RGS12: variants seen among roughly 807,000 people sequenced by gnomAD.
The protein encoded by RGS12 is regulator of G-protein signaling 12.
A neutral mutation model predicts 120.1 loss-of-function variants in RGS12; 66 were observed. The ratio of observed to expected loss-of-function variants is 0.55; its 90% CI spans 0.45 to 0.67. RGS12 has a LOEUF of 0.67. RGS12 is among the 30% of genes least tolerant of loss of function. RGS12 has a pLI of 0.00. For missense variants in RGS12, 1,859 were observed against 1,957.7 expected (o/e 0.95, Z 0.95); for synonymous variants, 827 against 804.7 (o/e 1.03, Z -0.47).
intron 3 of RGS12, among the ~76,000 whole-genome samples, chr4:3,355,508 A>T (rs924293152): frequency 6.6e-6 from 1 of 152,200 alleles, no homozygotes; most frequent in Non-Finnish European, 1.5e-5. Flanking sequence ...GTAACAGAAG[A>T]TCCAAAAGTC....
rs1290630405 is a variant in RGS12, at chr4:3,293,079, G to A, written c.-122G>A. The stretch of plus-strand genomic sequence containing the variant: ...TGGCGCGGGCCGAAGCGCCCGGAGC[G>A]GGAGCGAGCGGCGCGGCCCGGTAGG... On this transcript the variant is annotated 5_prime_UTR_variant, in exon 1 of 18. Coordinates refer to ENST00000336727, the MANE Select transcript of RGS12 (RefSeq NM_001394154.1). 6.8e-6 allele frequency: 1 copy of A among 147,340 alleles called. No homozygotes were observed. The highest frequency in any genetic ancestry group is 2.1e-4 in the South Asian group (1 of 4,816). 9.1% of individuals were successfully genotyped at this position (147,340 alleles called of 1,614,324 possible). A position where few individuals can be genotyped will look rare whatever the true frequency, so the allele number is the denominator to read the frequency against.
chr4:3,413,738 AGTTT>A (rs1338396037), intron 4 of RGS12: 1 of 250,794 alleles, frequency 4.0e-6, no homozygotes, highest in African/African-American at 2.2e-5. Flanking sequence ...CTGTGGCTGT[AGTTT>A]GTTGTTGCTT....
rs61748737 is a variant in RGS12, at chr4:3,417,525, C to T, written c.2745C>T (p.His915=). Residue 915 remains histidine, a synonymous_variant, in exon 9 of 18, where the codon CAC becomes CAT. Coordinates refer to ENST00000336727, the MANE Select transcript of RGS12 (RefSeq NM_001394154.1). ...STGRSQKKRE[H]GDHADDALHA... ...GGAGGTCCCAGAAAAAGAGGGAGCA[C>T]GGGGACCACGCAGACGGTTTGTGGG... 8,467 of 1,612,860 alleles carry T rather than the reference C, an allele frequency of 5.2e-3. 32 individuals carry two copies. Among genetic ancestry groups the T allele is most frequent in the Non-Finnish European group, 5.7e-3 (6,687 of 1,179,908 alleles).
At chr4:3,311,425 C>G (rs1298583874) in intron 1 of RGS12, among the ~76,000 whole-genome samples, 1 of 152,174 alleles carries the variant, frequency 6.6e-6, no homozygotes, top group African/African-American at 2.4e-5. Flanking sequence ...ATATTTATTT[C>G]TAGATCACCC....
chr4:3,405,721 G>C lies in RGS12; in HGVS notation c.2021-8351G>C, dbSNP rs78226485. Among the ~76,000 whole-genome samples the C allele has an allele frequency of 3.9e-4, 60 of 152,302 alleles. No individual in the cohort carries two copies. The East Asian group carries it at 0.011, about 27-fold the overall frequency. On this transcript the variant is annotated intron_variant, in intron 4 of 17. Transcript: ENST00000336727. ...TCTCCAACTTAATCTCAGATAGTCT[G>C]GAAAAAGGTTGCGTGTGTGCAGGTG...
intron 3 of RGS12, among the ~76,000 whole-genome samples, chr4:3,358,657 C>G (rs1486187995): frequency 6.6e-6 from 1 of 151,854 alleles, no homozygotes; most frequent in Non-Finnish European, 1.5e-5. Context: ...TTGAATTACC[C>G]TTGCATTATA....
chr4:3,325,111 G>A (rs1204421027), intron 2 of RGS12, among the ~76,000 whole-genome samples: 2 of 152,176 alleles, frequency 1.3e-5, no homozygotes, highest in African/African-American at 4.8e-5. Context: ...GTAGCTGGAG[G>A]TCAAATAGAG....
chr4:3,436,308 G>T (rs906866362), intron 17 of RGS12, among the ~76,000 whole-genome samples: 2 of 152,132 alleles, frequency 1.3e-5, no homozygotes, highest in East Asian at 3.9e-4. Flanking sequence ...GGCTCCCCTC[G>T]CTCCCCCCTT....
chr4:3,423,589 G>T lies in RGS12; in HGVS notation c.3182G>T (p.Arg1061Leu). 2 of 1,612,386 alleles carry T rather than the reference G, an allele frequency of 1.2e-6. No individual in the cohort carries two copies. Among genetic ancestry groups the T allele is most frequent in the Non-Finnish European group, 1.7e-6 (2 of 1,179,956 alleles). ...KPTKPVTEVL[R>L]PVVARYGLDL... The stretch of plus-strand genomic sequence containing the variant: ...ACCAAGCCCGTCACGGAGGTGCTGC[G>T]GCCCGTGGTGGCCAGATACGGCCTG... Residue 1061 changes from arginine (R) to leucine (L), a missense_variant, in exon 13 of 18, where the codon CGG becomes CTG. This residue lies in a region of RGS12 where 375 missense variants were observed against 475.0 expected (regional missense o/e 0.79). Transcript: ENST00000336727.
At chr4:3,394,797 G>C (rs1204909283) in intron 4 of RGS12, among the ~76,000 whole-genome samples, 1 of 152,072 alleles carries the variant, frequency 6.6e-6, no homozygotes, top group Non-Finnish European at 1.5e-5. Context: ...CAGCCCAAGC[G>C]CCCCTGCAGG....
intron 3 of RGS12, among the ~76,000 whole-genome samples, chr4:3,367,705 C>T (rs1422523385): frequency 6.6e-6 from 1 of 152,232 alleles, no homozygotes; most frequent in Non-Finnish European, 1.5e-5. Context: ...CTGGCCCTGC[C>T]CCATCCCTTT....
chr4:3,288,100 G>A (rs1722943089), upstream of RGS12, among the ~76,000 whole-genome samples: 3 of 152,332 alleles, frequency 2.0e-5, no homozygotes, highest in African/African-American at 4.8e-5. The surrounding 1 kb of genome is among the most constrained non-coding windows in gnomAD (Gnocchi z 5.2). Flanking sequence ...CTGAGCCTGC[G>A]TGCTCGTTGC....
intron 2 of RGS12, among the ~76,000 whole-genome samples, chr4:3,332,625 A>G (rs1355828199): frequency 6.6e-6 from 1 of 152,022 alleles, no homozygotes; most frequent in African/African-American, 2.4e-5. Flanking sequence ...CTCTCTGTTG[A>G]GGCGCCTACT....
chr4:3,330,732 A>G (rs1409582086), intron 2 of RGS12, among the ~76,000 whole-genome samples: 1 of 152,256 alleles, frequency 6.6e-6, no homozygotes, highest in East Asian at 1.9e-4. Context: ...TAGATAAAGA[A>G]GTATAGTTTG....
chr4:3,314,203 G>C (rs1317532635), intron 1 of RGS12: 1 of 151,874 alleles, frequency 6.6e-6, no homozygotes, highest in Non-Finnish European at 1.5e-5. Context: ...AAGTACGCAT[G>C]TTCTGTGTCC....
At chr4:3,344,489 GTCA>G (rs1713606599) in intron 3 of RGS12, among the ~76,000 whole-genome samples, 2 of 152,208 alleles carry the variant, frequency 1.3e-5, no homozygotes, top group African/African-American at 4.8e-5. Context: ...TTTTCTGTTG[GTCA>G]TGAGGAACTC....
upstream of RGS12, among the ~76,000 whole-genome samples, chr4:3,289,080 C>G (rs1203488511): frequency 6.6e-6 from 1 of 152,214 alleles, no homozygotes; most frequent in Non-Finnish European, 1.5e-5. Context: ...CTATCAGCCT[C>G]CACCTGCTGA....
intron 1 of RGS12, among the ~76,000 whole-genome samples, chr4:3,306,908 G>A (rs1001147489): frequency 1.3e-5 from 2 of 152,214 alleles, no homozygotes; most frequent in Non-Finnish European, 2.9e-5. Flanking sequence ...GTCAGGGAGT[G>A]ACGGTGGATT....
chr4:3,287,612 T>G, the RGS12 span, among the ~76,000 whole-genome samples: 1 of 152,378 alleles, frequency 6.6e-6, no homozygotes, highest in South Asian at 2.1e-4. Context: ...ATGGTCTACT[T>G]AATTAATGCA....
Sources: allele counts gnomAD v4.1 joint callset (sites outside exome capture counted in the v4.1 genomes callset), GRCh38; gene constraint gnomAD v4.1.1; regional missense constraint gnomAD v4.1.1; non-coding constraint Gnocchi (gnomAD v3.1); transcripts MANE v1.5; gene names NCBI Gene and HGNC (gene_info 2026-07-23, HGNC 2026-07-21).